The following VEGFC variants were observed in gnomAD, a reference collection of about 807,000 sequenced individuals.
VEGFC encodes the protein vascular endothelial growth factor C, also known as FLT4 ligand DHM.
In VEGFC, 12 loss-of-function variants were observed where a neutral mutation model predicts 46.1. The ratio of observed to expected loss-of-function variants is 0.26; its 90% CI spans 0.17 to 0.42. The LOEUF (loss-of-function observed/expected upper bound fraction) is 0.42. Ranked by LOEUF, VEGFC falls within the 10% of genes least tolerant of loss-of-function variation. The pLI is 1.00. For synonymous variants in VEGFC, 232 were observed against 195.5 expected, an observed-to-expected ratio of 1.19 and a Z score of -1.56; for missense variants, 488 against 529.4, an observed-to-expected ratio of 0.92 and a Z score of 0.77.
At chr4:176,748,062 T>C (rs561732522) in intron 1 of VEGFC, among the ~76,000 whole-genome samples, 1 of 152,070 alleles carries the variant, frequency 6.6e-6, no homozygotes, top group Admixed American at 6.6e-5. Flanking sequence ...GCATTCAATA[T>C]GTATATAAAA....
intron 1 of VEGFC, among the ~76,000 whole-genome samples, chr4:176,730,233 A>G (rs1355048367): frequency 1.3e-5 from 2 of 152,170 alleles, no homozygotes; most frequent in South Asian, 2.1e-4. Context: ...TCATATGAAG[A>G]AAGGAATTTC....
At chr4:176,731,288 T>C (rs1371139815) in intron 1 of VEGFC, among the ~76,000 whole-genome samples, 2 of 152,090 alleles carry the variant, frequency 1.3e-5, no homozygotes, top group African/African-American at 2.4e-5. Context: ...AACTCAAAAG[T>C]GTTTCAGAAT....
At chr4:176,698,784 C>A (rs1734371916) in intron 4 of VEGFC, among the ~76,000 whole-genome samples, 1 of 152,034 alleles carries the variant, frequency 6.6e-6, no homozygotes, top group South Asian at 2.1e-4. Flanking sequence ...TTTCTAGATT[C>A]CATATATAAG....
intron 1 of VEGFC, among the ~76,000 whole-genome samples, chr4:176,737,255 A>ATTT (rs1735071363): frequency 7.2e-6 from 1 of 138,128 alleles, no homozygotes; most frequent in African/African-American, 2.5e-5. Context: ...TTAATGTTAA[A>ATTT]TGTTAATAAA....
intron 1 of VEGFC, among the ~76,000 whole-genome samples, chr4:176,740,277 C>A (rs1347022546): frequency 8.8e-6 from 1 of 114,034 alleles, no homozygotes; most frequent in Admixed American, 1.0e-4. Flanking sequence ...TATATATTCT[C>A]TATATAGAGT....
At chr4:176,767,871 G>A (rs1297775718) in intron 1 of VEGFC, among the ~76,000 whole-genome samples, 2 of 152,108 alleles carry the variant, frequency 1.3e-5, no homozygotes, top group Non-Finnish European at 2.9e-5. Flanking sequence ...TAAACAGAAC[G>A]CTGCCCTGAT....
chr4:176,687,405 T>A lies in VEGFC; in HGVS notation c.927A>T (p.Glu309Asp). 1 of 1,614,194 alleles carries A rather than the reference T, an allele frequency of 6.2e-7. No individual in the cohort carries two copies. The highest frequency in any genetic ancestry group is 8.5e-7 in the Non-Finnish European group (1 of 1,180,030). ...CACACTGGCATGAGTTTCTGTCTAG[T>A]TCTTTGTGGGGTCCACAGCTGGCAG... ...LRPASCGPHK[E>D]LDRNSCQCVC... The change falls in exon 6 of 7, where the codon GAA (glutamate) becomes GAT (aspartate). Residue 309 changes from glutamate (E) to aspartate (D), a missense_variant. Physicochemically the swap from Glu to Asp is conservative, Grantham distance 45. Transcript: ENST00000618562.
intron 3 of VEGFC, among the ~76,000 whole-genome samples, chr4:176,715,770 T>C: frequency 6.6e-6 from 1 of 152,298 alleles, no homozygotes; most frequent in Admixed American, 6.5e-5. Flanking sequence ...TATACATTTT[T>C]TGAACTGAAA....
chr4:176,787,565 C>A (rs1480788561), intron 1 of VEGFC, among the ~76,000 whole-genome samples: 3 of 151,510 alleles, frequency 2.0e-5, no homozygotes, highest in Non-Finnish European at 4.4e-5. Context: ...GCCACTAGGG[C>A]GCGAGCAGTA....
At chr4:176,775,400 A>C (rs1228760629) in intron 1 of VEGFC, among the ~76,000 whole-genome samples, 1 of 152,204 alleles carries the variant, frequency 6.6e-6, no homozygotes, top group African/African-American at 2.4e-5. Context: ...AATCAGTATA[A>C]AAGAGCTTGA....
intron 1 of VEGFC, among the ~76,000 whole-genome samples, chr4:176,742,219 G>A (rs1735187635): frequency 6.6e-6 from 1 of 152,014 alleles, no homozygotes. Context: ...ATTCACTTAG[G>A]AAAACGGCCT....
chr4:176,772,900 T>C (rs1247566208), intron 1 of VEGFC, among the ~76,000 whole-genome samples: 1 of 152,202 alleles, frequency 6.6e-6, no homozygotes, highest in African/African-American at 2.4e-5. Context: ...TTATTATAAA[T>C]CATCCAGTTT....
chr4:176,741,728 C>T (rs1735178665), intron 1 of VEGFC, among the ~76,000 whole-genome samples: 1 of 151,714 alleles, frequency 6.6e-6, no homozygotes, highest in African/African-American at 2.4e-5. Flanking sequence ...TGAATTGCAA[C>T]CAAGATCTAC....
intron 4 of VEGFC, among the ~76,000 whole-genome samples, chr4:176,694,722 C>G (rs541346575): frequency 2.1e-5 from 3 of 144,726 alleles, no homozygotes; most frequent in Non-Finnish European, 4.5e-5. Context: ...TGACCACATA[C>G]TTGGAAGTAA....
At chr4:176,740,160 A>G (rs1735138249) in intron 1 of VEGFC, among the ~76,000 whole-genome samples, 1 of 129,004 alleles carries the variant, frequency 7.8e-6, no homozygotes, top group South Asian at 2.2e-4. Flanking sequence ...AGTTATATAT[A>G]TAGAATATAT....
In VEGFC at chr4:176,687,734, A is replaced by G. The variant is rs571458191; in HGVS notation, c.811+87T>C. ...AGTCACTTATTTAGAAGAATGATGA[A>G]TATTATATGTGTGGTTTTAATATTA... On this transcript the variant is annotated intron_variant, in intron 5 of 6. Coordinates refer to ENST00000618562, the MANE Select transcript of VEGFC (RefSeq NM_005429.5). 232 of 1,083,178 alleles carry G rather than the reference A, an allele frequency of 2.1e-4. 4 individuals are homozygous for G. The South Asian group carries it at 3.6e-3, about 17-fold the overall frequency. 67.1% of individuals were successfully genotyped at this position (1,083,178 alleles called of 1,614,324 possible). A position where few individuals can be genotyped will look rare whatever the true frequency, so the allele number is the denominator to read the frequency against.
At chr4:176,748,998 C>A (rs561121816) in intron 1 of VEGFC, among the ~76,000 whole-genome samples, 2 of 151,764 alleles carry the variant, frequency 1.3e-5, no homozygotes, top group Non-Finnish European at 2.9e-5. Flanking sequence ...ATTAAAAGGT[C>A]ATATTATTCT....
chr4:176,780,387 A>AAAACAAAAAAAAAAAC (rs1553997795), intron 1 of VEGFC, among the ~76,000 whole-genome samples: 1 of 114,760 alleles, frequency 8.7e-6, no homozygotes, highest in East Asian at 2.8e-4. Context: ...ATCTCAAAAA[A>AAAACAAAAAAAAAAAC]AAAAAAAAAA....
At chr4:176,774,662 T>C (rs1287165711) in intron 1 of VEGFC, among the ~76,000 whole-genome samples, 5 of 152,234 alleles carry the variant, frequency 3.3e-5, no homozygotes, top group South Asian at 4.2e-4. Context: ...TAAGTAAAAA[T>C]ACACTTCATG....
Sources: gnomAD v4.1 joint callset for allele counts (sites outside exome capture counted in the v4.1 genomes callset) on GRCh38, gnomAD v4.1.1 for gene constraint, MANE v1.5 for transcripts, NCBI Gene and HGNC (gene_info 2026-07-23, HGNC 2026-07-21) for gene names.